Variants in MBOAT2 observed in about 807,000 individuals in gnomAD.
The protein encoded by MBOAT2 is membrane bound glycerophospholipid O-acyltransferase 2.
A neutral mutation model predicts 63.4 loss-of-function variants in MBOAT2; 28 were observed. The ratio of observed to expected loss-of-function variants is 0.44; its 90% CI spans 0.33 to 0.61. The LOEUF is 0.61. MBOAT2 is among the 20% of genes least tolerant of loss of function. MBOAT2 has a pLI of 0.03. For missense variants in MBOAT2, 470 were observed against 605.8 expected (o/e 0.78, Z 2.35); for synonymous variants, 211 against 215.6 (o/e 0.98, Z 0.19).
chr2:8,937,478 A>T (rs1667747923), intron 3 of MBOAT2, among the ~76,000 whole-genome samples: 1 of 152,240 alleles, frequency 6.6e-6, no homozygotes, highest in South Asian at 2.1e-4. Flanking sequence ...ACTCTCAAAC[A>T]TCTATCATTA....
In MBOAT2 at chr2:8,963,594, C is replaced by T. The variant is rs537852552; in HGVS notation, c.76-4952G>A. On this transcript the variant is annotated intron_variant, in intron 1 of 12. Transcript: ENST00000305997. ...CTGGGATTATAGGCATGAGCCACCA[C>T]ACCCAACCTGAAACTAAAAATTAAA... Among the ~76,000 whole-genome samples, 9 of 152,316 alleles carry T rather than the reference C, an allele frequency of 5.9e-5. No individual in the cohort carries two copies. The East Asian group carries it at 1.7e-3, about 29-fold the overall frequency.
chr2:8,978,672 G>C (rs1670996019), intron 1 of MBOAT2, among the ~76,000 whole-genome samples: 1 of 152,206 alleles, frequency 6.6e-6, no homozygotes, highest in East Asian at 1.9e-4. Context: ...AGGGGGTGGG[G>C]AGTGAGCGGA....
intron 1 of MBOAT2, among the ~76,000 whole-genome samples, chr2:8,964,316 G>A (rs1669837536): frequency 2.0e-5 from 3 of 152,106 alleles, no homozygotes; most frequent in African/African-American, 7.2e-5. Context: ...GTAAGCTTCT[G>A]CAATTTTTTT....
intron 3 of MBOAT2, among the ~76,000 whole-genome samples, chr2:8,915,248 T>C (rs1474728760): frequency 6.6e-6 from 1 of 152,166 alleles, no homozygotes; most frequent in Non-Finnish European, 1.5e-5. Context: ...CGGAAAGTTT[T>C]AAATTATATC....
At chr2:8,897,159 CTT>C (rs1187436900) in intron 4 of MBOAT2, among the ~76,000 whole-genome samples, 7 of 150,900 alleles carry the variant, frequency 4.6e-5, no homozygotes, top group Admixed American at 3.3e-4. Context: ...CTCTTCCTCT[CTT>C]TGACTTTCTG....
chr2:8,983,336 T>G (rs1671332733), intron 1 of MBOAT2, among the ~76,000 whole-genome samples: 1 of 152,202 alleles, frequency 6.6e-6, no homozygotes, highest in Admixed American at 6.5e-5. Context: ...ATACTCGAAC[T>G]ACTATAACTC....
At chr2:8,907,325 A>G (rs953763188) in intron 4 of MBOAT2, among the ~76,000 whole-genome samples, 1 of 152,232 alleles carries the variant, frequency 6.6e-6, no homozygotes, top group African/African-American at 2.4e-5. Context: ...ATATATATTT[A>G]ATGCCATCGT....
intron 1 of MBOAT2, among the ~76,000 whole-genome samples, chr2:8,961,797 A>G (rs960985448): frequency 6.6e-6 from 1 of 152,150 alleles, no homozygotes; most frequent in Non-Finnish European, 1.5e-5. Context: ...GGCATAATTG[A>G]CCAAGAGCAT....
intron 1 of MBOAT2, among the ~76,000 whole-genome samples, chr2:8,971,621 T>C (rs1215519436): frequency 6.6e-6 from 1 of 152,180 alleles, no homozygotes; most frequent in East Asian, 1.9e-4. Flanking sequence ...GAAAACCCCA[T>C]CGTCTCAGCC....
intron 4 of MBOAT2, among the ~76,000 whole-genome samples, chr2:8,891,471 C>T (rs535633646): frequency 6.6e-6 from 1 of 152,292 alleles, no homozygotes; most frequent in African/African-American, 2.4e-5. Flanking sequence ...GAAGCATTTA[C>T]AACAAAAACA....
rs1450575284 is a variant in MBOAT2 at position 8,858,531 on chromosome 2, A to T, written c.*148T>A. On this transcript the variant is annotated 3_prime_UTR_variant, in exon 13 of 13. Coordinates refer to ENST00000305997, the MANE Select transcript of MBOAT2 (RefSeq NM_138799.4). ...GGAGGGCTTGTTTCACTCCATTTCC[A>T]ATCTGGTGTACAGGAAATTCCTTAT... 1 of 600,514 alleles carries T rather than the reference A, an allele frequency of 1.7e-6. No individual in the cohort carries two copies. Among genetic ancestry groups the T allele is most frequent in the Non-Finnish European group, 2.9e-6 (1 of 347,712 alleles). 37.2% of individuals were successfully genotyped at this position (600,514 alleles called of 1,614,324 possible).
At position 8,975,422 on chromosome 2, in the gene MBOAT2, C is replaced by G. The variant is rs1383646257; in HGVS notation, c.76-16780G>C. Among the ~76,000 whole-genome samples the G allele has an allele frequency of 1.6e-4, 24 of 152,016 alleles. 1 individual carries two copies. Among genetic ancestry groups the G allele is most frequent in the Admixed American group, 1.5e-3 (23 of 15,254 alleles). ...TGATGGCTTGGGAACAAATTTTATT[C>G]ATCTATGCATTACTACCAATCCCTG... On this transcript the variant is annotated intron_variant, in intron 1 of 12. Transcript: ENST00000305997.
At chr2:8,973,404 G>A (rs1285751590) in intron 1 of MBOAT2, among the ~76,000 whole-genome samples, 1 of 151,590 alleles carries the variant, frequency 6.6e-6, no homozygotes, top group Non-Finnish European at 1.5e-5. Flanking sequence ...AGCATTAGGA[G>A]ATATACCTAA....
intron 1 of MBOAT2, among the ~76,000 whole-genome samples, chr2:8,992,096 T>C (rs1412403253): frequency 1.3e-5 from 2 of 152,376 alleles, no homozygotes; most frequent in East Asian, 3.9e-4. Flanking sequence ...CCCAGGCTTG[T>C]TGATAAAATG....
intron 2 of MBOAT2, among the ~76,000 whole-genome samples, chr2:8,947,671 C>G (rs886639984): frequency 2.6e-5 from 4 of 152,218 alleles, no homozygotes; most frequent in Non-Finnish European, 5.9e-5. Context: ...AAAGTCTGAA[C>G]CACAGCAGCT....
chr2:8,989,356 G>A (rs1461467155), intron 1 of MBOAT2, among the ~76,000 whole-genome samples: 1 of 152,130 alleles, frequency 6.6e-6, no homozygotes, highest in Non-Finnish European at 1.5e-5. Context: ...TGGCTCAACA[G>A]GATAATTTAT....
At chr2:8,935,161 G>C (rs1039825332) in intron 3 of MBOAT2, among the ~76,000 whole-genome samples, 2 of 152,188 alleles carry the variant, frequency 1.3e-5, no homozygotes, top group Non-Finnish European at 2.9e-5. Context: ...AAGCAAGAGG[G>C]AAGAGAAGCA....
At chr2:8,981,358 T>C (rs1188904526) in intron 1 of MBOAT2, among the ~76,000 whole-genome samples, 2 of 152,200 alleles carry the variant, frequency 1.3e-5, no homozygotes, top group Non-Finnish European at 2.9e-5. Context: ...TATTAAAATA[T>C]ACTGTGCATT....
In MBOAT2 at chr2:8,857,534, A is replaced by T. The variant is rs1415374972; in HGVS notation, c.*1145T>A. ...GTGAGAAGAGTTTGAAACTGAATTTATATTATTCTTAAAAAATGTCACCCA... is the reference window on the plus strand; with the variant it reads ...GTGAGAAGAGTTTGAAACTGAATTTTTATTATTCTTAAAAAATGTCACCCA... On this transcript the variant is annotated 3_prime_UTR_variant, in exon 13 of 13. Transcript: ENST00000305997. 1 of 152,240 alleles carries T rather than the reference A, an allele frequency of 6.6e-6. No individual in the cohort carries two copies. Among genetic ancestry groups the T allele is most frequent in the East Asian group, 1.9e-4 (1 of 5,200 alleles). The allele number at this position is 152,240 out of a possible 1,614,324, so 9.4% of individuals were successfully genotyped here. A position where few individuals can be genotyped will look rare whatever the true frequency, so the allele number is the denominator to read the frequency against.
Sources: gnomAD v4.1 joint callset for allele counts (sites outside exome capture counted in the v4.1 genomes callset) on GRCh38, gnomAD v4.1.1 for gene constraint, MANE v1.5 for transcripts, NCBI Gene and HGNC (gene_info 2026-07-23, HGNC 2026-07-21) for gene names.